ZNF846: variants seen among roughly 807,000 people sequenced by gnomAD.
ZNF846 encodes the protein zinc finger protein 420 pseudogene.
Under a neutral mutation model 16.0 loss-of-function variants are expected in ZNF846, and 15 were observed. The observed-to-expected ratio is 0.94, with a 90% CI of 0.63 to 1.45. ZNF846 has a LOEUF of 1.45. Ranked by LOEUF, ZNF846 falls within the 40% of genes most tolerant of loss-of-function variation. The pLI, the probability that ZNF846 is intolerant of heterozygous loss-of-function variation, is 0.00. For missense variants in ZNF846, 714 were observed against 622.3 expected, an observed-to-expected ratio of 1.15 and a Z score of -1.57; for synonymous variants, 229 against 212.0, an observed-to-expected ratio of 1.08 and a Z score of -0.70.
chr19:9,757,387 AT>A (rs2045148090), downstream of ZNF846: 2 of 1,099,454 alleles, frequency 1.8e-6, no homozygotes, highest in African/African-American at 3.2e-5. Context: ...AGATATGGAA[AT>A]TCAGTGAAGG....
intron 1 of ZNF846, chr19:9,774,664 C>A: frequency 6.8e-7 from 1 of 1,469,116 alleles, no homozygotes; most frequent in Non-Finnish European, 9.5e-7. Context: ...TCGAAATCAA[C>A]TTTCCAGCAG....
At chr19:9,760,599 G>A (rs1043251971) in intron 4 of ZNF846, among the ~76,000 whole-genome samples, 13 of 151,194 alleles carry the variant, frequency 8.6e-5, no homozygotes, top group Admixed American at 6.6e-4. Flanking sequence ...TACTCAAGTG[G>A]CTGAGTCATG....
At chr19:9,780,048 G>GTTGT (rs2045485580) in intron 1 of ZNF846, among the ~76,000 whole-genome samples, 2 of 124,310 alleles carry the variant, frequency 1.6e-5, no homozygotes, top group African/African-American at 6.8e-5. Flanking sequence ...AGCTAATTTT[G>GTTGT]TTTTTTTTTT....
chr19:9,764,193 G>T (rs74257270), intron 2 of ZNF846, among the ~76,000 whole-genome samples: 1 of 152,094 alleles, frequency 6.6e-6, no homozygotes, highest in Non-Finnish European at 1.5e-5. Flanking sequence ...ATCTTGTCAC[G>T]GCTCTTGTAG....
downstream of ZNF846, chr19:9,756,382 T>TATA (rs2045137489): frequency 8.4e-6 from 1 of 119,524 alleles, no homozygotes; most frequent in African/African-American, 3.1e-5. Context: ...TATATATATA[T>TATA]ATAAAGACAT....
At chr19:9,779,417 C>T (rs1041725280) in intron 1 of ZNF846, among the ~76,000 whole-genome samples, 1 of 151,682 alleles carries the variant, frequency 6.6e-6, no homozygotes, top group Admixed American at 6.6e-5. Context: ...TACAGGCATG[C>T]GCCACCACGC....
At chr19:9,757,650 T>G (rs199584617) in exon 6 of ZNF846, 4 of 1,613,464 alleles carry the variant, frequency 2.5e-6, no homozygotes, top group Non-Finnish European at 3.4e-6. Context: ...TGCATAAGGC[T>G]TTTCTCCTGT....
intron 1 of ZNF846, among the ~76,000 whole-genome samples, chr19:9,778,626 G>A (rs765547362): frequency 4.6e-5 from 7 of 152,028 alleles, no homozygotes; most frequent in East Asian, 1.9e-4. Context: ...CTAACATGGT[G>A]AAACCCTGTT....
At position 9,758,653 on chromosome 19, in the gene ZNF846, AAGTTT is replaced by A; in HGVS notation, c.419_423del (p.Lys140IlefsTer2). 2 of 1,613,100 alleles carry A rather than the reference AAGTTT, an allele frequency of 1.2e-6. No homozygotes were observed. The highest frequency in any genetic ancestry group is 3.3e-5 in the Admixed American group (2 of 59,982). ...GCTTTTCCACTCTGATTATCCTCAGAAGTTTTCTCTCCAATGTGAGTTATCATGTG... is the reference window on the plus strand; with the variant it reads ...GCTTTTCCACTCTGATTATCCTCAGATCTCTCCAATGTGAGTTATCATGTG... On this transcript the variant is annotated frameshift_variant, in exon 6 of 6. Transcript: ENST00000397902. LOFTEE classifies it low-confidence loss of function (END_TRUNC).
intron 1 of ZNF846, chr19:9,774,759 C>G (rs2045420752): frequency 1.3e-6 from 2 of 1,568,032 alleles, no homozygotes; most frequent in African/African-American, 2.7e-5. Context: ...GTCTGTCTGT[C>G]AGTAATTAGT....
At chr19:9,780,419 A>C (rs2045491163) in intron 1 of ZNF846, among the ~76,000 whole-genome samples, 1 of 151,940 alleles carries the variant, frequency 6.6e-6, no homozygotes, top group Non-Finnish European at 1.5e-5. Context: ...AAATCTTCTT[A>C]AACAGTCTTA....
chr19:9,749,038 T>G (rs2045064780), downstream of ZNF846, among the ~76,000 whole-genome samples: 1 of 151,958 alleles, frequency 6.6e-6, no homozygotes, highest in Non-Finnish European at 1.5e-5. Flanking sequence ...GTACCCCAAC[T>G]CCCGTCCACC....
At chr19:9,749,756 C>T (rs1357355700), downstream of ZNF846, among the ~76,000 whole-genome samples, 5 of 152,024 alleles carry the variant, frequency 3.3e-5, no homozygotes, top group Admixed American at 6.6e-5. Context: ...GCTCTACAGG[C>T]TGACTGAGCT....
downstream of ZNF846, among the ~76,000 whole-genome samples, chr19:9,750,974 C>T (rs756514725): frequency 2.6e-5 from 4 of 151,944 alleles, no homozygotes; most frequent in African/African-American, 4.8e-5. Context: ...TATATGATGA[C>T]GTCAAAAAAC....
At chr19:9,776,985 T>C (rs1376867590) in intron 1 of ZNF846, among the ~76,000 whole-genome samples, 1 of 151,712 alleles carries the variant, frequency 6.6e-6, no homozygotes, top group Non-Finnish European at 1.5e-5. Context: ...GGAGGGTTTA[T>C]CTTCTCTGTG....
downstream of ZNF846, among the ~76,000 whole-genome samples, chr19:9,750,116 G>A (rs1331910800): frequency 6.6e-6 from 1 of 151,984 alleles, no homozygotes; most frequent in Non-Finnish European, 1.5e-5. Flanking sequence ...CAAACAGATG[G>A]GAGCATTCCA....
exon 5 of ZNF846, chr19:9,759,926 G>C (rs752337112): frequency 6.2e-7 from 1 of 1,612,814 alleles, no homozygotes; most frequent in Admixed American, 1.7e-5. Context: ...CTTTGGTTTT[G>C]AGTTGCAAAT....
At chr19:9,752,722 T>C (rs553131508), downstream of ZNF846, among the ~76,000 whole-genome samples, 26 of 152,106 alleles carry the variant, frequency 1.7e-4, no homozygotes, top group Non-Finnish European at 3.5e-4. Context: ...TTGAAGCTTT[T>C]TGCTTATCTC....
chr19:9,769,013 T>C (rs1599395967), upstream of ZNF846, among the ~76,000 whole-genome samples: 1 of 152,226 alleles, frequency 6.6e-6, no homozygotes, highest in East Asian at 1.9e-4. Context: ...GGGGCACGCG[T>C]GGAGGCGTCA....
Sources: allele counts gnomAD v4.1 joint callset (sites outside exome capture counted in the v4.1 genomes callset), GRCh38; gene constraint gnomAD v4.1.1; transcripts MANE v1.5; gene names NCBI Gene and HGNC (gene_info 2026-07-23, HGNC 2026-07-21).